The following MDGA2 variants were observed in gnomAD, a reference collection of about 807,000 sequenced individuals.
MDGA2 encodes the protein MAM domain-containing glycosylphosphatidylinositol anchor protein 2.
Under a neutral mutation model 117.8 loss-of-function variants are expected in MDGA2, and 40 were observed. The ratio of observed to expected loss-of-function variants is 0.34; its 90% CI spans 0.26 to 0.44. The LOEUF (loss-of-function observed/expected upper bound fraction) is 0.44. Ranked by LOEUF, MDGA2 falls within the 20% of genes least tolerant of loss-of-function variation. The probability of loss-of-function intolerance (pLI) is 1.00; values close to 1 mark genes in which losing one functional copy is unlikely to be tolerated. For synonymous variants in MDGA2, 452 were observed against 439.0 expected (o/e 1.03, Z -0.37); for missense variants, 1,123 against 1,250.6 (o/e 0.90, Z 1.54).
intron 9 of MDGA2, among the ~76,000 whole-genome samples, chr14:46,951,233 T>C (rs73239207): frequency 0.035 from 5,295 of 151,934 alleles, 306 homozygotes; most frequent in African/African-American, 0.12. Flanking sequence ...CTATGAAGGA[T>C]TTATTTAGTT....
chr14:47,515,836 AC>A (rs1378352505), intron 1 of MDGA2, among the ~76,000 whole-genome samples: 1 of 152,148 alleles, frequency 6.6e-6, no homozygotes, highest in Non-Finnish European at 1.5e-5. Flanking sequence ...GGTCAAATTC[AC>A]TGAGTTTTCT....
chr14:47,086,094 G>GTTTTTT (rs11331632), intron 6 of MDGA2, among the ~76,000 whole-genome samples: 6 of 141,758 alleles, frequency 4.2e-5, no homozygotes, highest in African/African-American at 1.3e-4. Flanking sequence ...AATGTGTAAG[G>GTTTTTT]TTTTTTTTTT....
intron 8 of MDGA2, among the ~76,000 whole-genome samples, chr14:47,032,977 G>A (rs1016564353): frequency 6.6e-6 from 1 of 152,098 alleles, no homozygotes; most frequent in Admixed American, 6.5e-5. Context: ...CCCTGCTCTG[G>A]GAAGTCACCT....
chr14:47,035,340 T>C, intron 7 of MDGA2, 36 bp from the exon 8 acceptor site: 1 of 1,526,374 alleles, frequency 6.6e-7, no homozygotes, highest in Non-Finnish European at 8.9e-7. Context: ...TCAAGGTTAG[T>C]ATAAACTGGT....
chr14:47,158,478 G>A (rs1335736933), intron 3 of MDGA2, among the ~76,000 whole-genome samples: 2 of 118,330 alleles, frequency 1.7e-5, no homozygotes, highest in African/African-American at 7.0e-5. Context: ...GATACTTATA[G>A]CAGCCTTTTT....
chr14:47,593,737 A>C (rs1371157362), intron 1 of MDGA2, among the ~76,000 whole-genome samples: 1 of 151,996 alleles, frequency 6.6e-6, no homozygotes, highest in African/African-American at 2.4e-5. Context: ...GGGATGGGGG[A>C]GGGTGAGCAT....
chr14:47,471,226 T>C (rs1217836842), intron 1 of MDGA2, among the ~76,000 whole-genome samples: 1 of 144,674 alleles, frequency 6.9e-6, no homozygotes, highest in Non-Finnish European at 1.5e-5. Context: ...CATTCTTCTG[T>C]TCTTGTGATT....
intron 6 of MDGA2, among the ~76,000 whole-genome samples, chr14:47,064,169 G>C (rs563296187): frequency 3.9e-5 from 6 of 151,944 alleles, no homozygotes; most frequent in African/African-American, 1.2e-4. Context: ...TTAATAAAAA[G>C]CAATATAATC....
At chr14:47,462,115 C>T (rs1893499658) in intron 1 of MDGA2, among the ~76,000 whole-genome samples, 1 of 152,112 alleles carries the variant, frequency 6.6e-6, no homozygotes, top group African/African-American at 2.4e-5. Context: ...CGGTGGCTCA[C>T]GCCTGTAACC....
At chr14:47,172,899 G>A (rs979765169) in intron 3 of MDGA2, among the ~76,000 whole-genome samples, 3 of 152,118 alleles carry the variant, frequency 2.0e-5, no homozygotes, top group East Asian at 1.9e-4. Flanking sequence ...TAAAAACTTC[G>A]AAAAAAATTT....
At position 47,597,743 on chromosome 14, in the gene MDGA2, T is replaced by C. The variant is rs565044944; in HGVS notation, c.280+76774A>G. On this transcript the variant is annotated intron_variant, in intron 1 of 16. Transcript: ENST00000399232. ...TGGTTGGGTTTAGTAGTTGCTACTA[T>C]GGCTTCCTTTAAAAAATATAGTCAA... Among the ~76,000 whole-genome samples, 4 of 152,104 alleles carry C rather than the reference T, an allele frequency of 2.6e-5. No individual in the cohort carries two copies. In the South Asian group the frequency reaches 8.3e-4, roughly 32 times the overall value.
intron 10 of MDGA2, among the ~76,000 whole-genome samples, chr14:46,890,666 A>G (rs376648783): frequency 1.4e-4 from 21 of 152,192 alleles, no homozygotes; most frequent in African/African-American, 3.6e-4. Context: ...AGAGATGTGA[A>G]CTGGCTATGC....
intron 1 of MDGA2, among the ~76,000 whole-genome samples, chr14:47,512,844 AT>A (rs1388795792): frequency 1.3e-5 from 2 of 151,936 alleles, no homozygotes; most frequent in Admixed American, 1.3e-4. Context: ...TTAACACACG[AT>A]CTTTTCTAGC....
intron 10 of MDGA2, among the ~76,000 whole-genome samples, chr14:46,893,567 A>T (rs973598433): frequency 1.2e-4 from 19 of 152,178 alleles, no homozygotes; most frequent in Admixed American, 5.9e-4. Flanking sequence ...GAATACGTTA[A>T]TTTGCGAGAC....
chr14:47,021,153 T>A (rs1342489398), intron 8 of MDGA2, among the ~76,000 whole-genome samples: 1 of 152,162 alleles, frequency 6.6e-6, no homozygotes, highest in Admixed American at 6.5e-5. Context: ...GTGTAAAAGT[T>A]TGGCTACATC....
intron 1 of MDGA2, among the ~76,000 whole-genome samples, chr14:47,388,655 T>C (rs143161891): frequency 6.6e-6 from 1 of 152,274 alleles, no homozygotes; most frequent in Admixed American, 6.5e-5. Context: ...CTTGAACAGA[T>C]GTAGAAAATT....
intron 1 of MDGA2, among the ~76,000 whole-genome samples, chr14:47,336,442 G>A (rs941540806): frequency 6.6e-6 from 1 of 151,854 alleles, no homozygotes; most frequent in African/African-American, 2.4e-5. Flanking sequence ...ATGTTTAAGA[G>A]GAAGAAATAC....
intron 2 of MDGA2, among the ~76,000 whole-genome samples, chr14:47,237,130 G>T (rs538069772): frequency 5.9e-5 from 9 of 151,930 alleles, no homozygotes; most frequent in Non-Finnish European, 1.0e-4. Flanking sequence ...GATTAATAAT[G>T]CCAGAGAATC....
At chr14:47,468,071 T>C (rs1041043554) in intron 1 of MDGA2, among the ~76,000 whole-genome samples, 2 of 152,238 alleles carry the variant, frequency 1.3e-5, no homozygotes, top group African/African-American at 4.8e-5. Flanking sequence ...GTTTTGCATT[T>C]CTACAAGGTA....
Sources: gnomAD v4.1 joint callset for allele counts (sites outside exome capture counted in the v4.1 genomes callset) on GRCh38, gnomAD v4.1.1 for gene constraint, MANE v1.5 for transcripts, NCBI Gene and HGNC (gene_info 2026-07-23, HGNC 2026-07-21) for gene names.